Variants in KIF17 observed in about 807,000 individuals in gnomAD.
KIF17 encodes the protein kinesin-like protein KIF17.
KIF17 carries 80 observed loss-of-function variants against 96.8 expected under a neutral mutation model. The ratio of observed to expected loss-of-function variants is 0.83; its 90% confidence interval spans 0.69 to 1.00. The LOEUF is 1.00. Among genes scored for constraint, KIF17 ranks in the 50% least tolerant of loss-of-function variants. KIF17 has a pLI of 0.00. For synonymous variants in KIF17, 567 were observed against 587.5 expected (o/e 0.97, Z 0.51); for missense variants, 1,280 against 1,372.9 (o/e 0.93, Z 1.07).
chr1:20,671,551 TC>T (rs1367508158), intron 12 of KIF17, among the ~76,000 whole-genome samples: 2 of 151,894 alleles, frequency 1.3e-5, no homozygotes, highest in Non-Finnish European at 2.9e-5. Flanking sequence ...GCCAGGCTGG[TC>T]TCGAACTCCT....
chr1:20,698,285 T>C (rs1370568253), intron 6 of KIF17, 94 bp downstream of exon 6: 3 of 826,194 alleles, frequency 3.6e-6, no homozygotes, highest in Non-Finnish European at 6.2e-6. Flanking sequence ...GAAGGTACGG[T>C]GATATCGCGT....
chr1:20,697,837 G>A (rs956992796), intron 6 of KIF17, among the ~76,000 whole-genome samples: 1 of 152,202 alleles, frequency 6.6e-6, no homozygotes, highest in Non-Finnish European at 1.5e-5. Flanking sequence ...CGTCTGACCC[G>A]CTGCTTCCCA....
downstream of KIF17, among the ~76,000 whole-genome samples, chr1:20,663,827 G>C (rs750527485): frequency 5.3e-5 from 8 of 151,596 alleles, no homozygotes; most frequent in Non-Finnish European, 1.2e-4. Context: ...CAGGTCCTTC[G>C]AGAATCTAAT....
intron 7 of KIF17, 62 bp from the exon 8 acceptor site, chr1:20,688,006 A>C: frequency 3.5e-6 from 5 of 1,427,528 alleles, no homozygotes; most frequent in Non-Finnish European, 4.9e-6. Flanking sequence ...CCTTCCCTAG[A>C]AGGTGGCTCC....
intron 5 of KIF17, among the ~76,000 whole-genome samples, chr1:20,703,511 G>C (rs1288731973): frequency 2.0e-5 from 3 of 151,348 alleles, no homozygotes; most frequent in Middle Eastern, 3.2e-3. Flanking sequence ...TGGATGGATG[G>C]ATGGATGGAT....
At chr1:20,698,256 T>C in intron 6 of KIF17, 123 bp downstream of exon 6, 1 of 724,744 alleles carries the variant, frequency 1.4e-6, no homozygotes, top group Non-Finnish European at 2.5e-6. Flanking sequence ...TTCAGCTTTC[T>C]CAGGACCAAA....
chr1:20,683,609 C>A (rs779928099), intron 10 of KIF17, among the ~76,000 whole-genome samples: 1 of 151,874 alleles, frequency 6.6e-6, no homozygotes, highest in Non-Finnish European at 1.5e-5. Context: ...GAGCCGAGAT[C>A]GCACCACTGC....
Position 20,690,352 on chromosome 1 carries a change from G to GGGGGCCCCCCA in KIF17, c.1234-18_1234-17insTGGGGGGCCCC. On this transcript the variant is annotated splice_polypyrimidine_tract_variant and intron_variant, in intron 6 of 14. Coordinates refer to ENST00000400463, the MANE Select transcript of KIF17 (RefSeq NM_001122819.3). ...TTCATACTCCTGGGGGGGTGGGAGG[G>GGGGGCCCCCCA]ACCAGAGGGCAGGCAGCATTTTATC... is the stretch of plus-strand genomic sequence containing the variant. 2.2e-6 allele frequency: 1 copy of GGGGGCCCCCCA among 451,174 alleles called. No homozygotes were observed. Among genetic ancestry groups the GGGGGCCCCCCA allele is most frequent in the South Asian group, 1.7e-5 (1 of 57,280 alleles). 27.9% of individuals were successfully genotyped at this position (451,174 alleles called of 1,614,324 possible).
rs920224233 is a variant in KIF17, at chr1:20,685,709, C to T, written c.2019+337G>A. ...CCTGGGGTGTTCAAATTGGGTTCCCCGATGGTGTCATAGGGGCCACCAGCC... is the reference window on the plus strand; with the variant it reads ...CCTGGGGTGTTCAAATTGGGTTCCCTGATGGTGTCATAGGGGCCACCAGCC... On this transcript the variant is annotated intron_variant, in intron 9 of 14. Transcript: ENST00000400463. The surrounding 1 kb of genome is among the most constrained non-coding windows in gnomAD (Gnocchi z 4.1). Among the ~76,000 whole-genome samples, 1 of 152,152 alleles carries T rather than the reference C, an allele frequency of 6.6e-6. No homozygotes were observed. The highest frequency in any genetic ancestry group is 2.4e-5 in the African/African-American group (1 of 41,424).
intron 4 of KIF17, among the ~76,000 whole-genome samples, chr1:20,705,547 G>A (rs962315020): frequency 9.2e-5 from 14 of 152,156 alleles, no homozygotes; most frequent in African/African-American, 3.1e-4. Flanking sequence ...CCTCTGTGCC[G>A]GCGCGCAGAA....
chr1:20,681,388 C>T (rs2053828311), intron 11 of KIF17, among the ~76,000 whole-genome samples: 1 of 151,774 alleles, frequency 6.6e-6, no homozygotes, highest in Admixed American at 6.6e-5. Context: ...GACGGCATTT[C>T]ACCATGTTGG....
intron 11 of KIF17, among the ~76,000 whole-genome samples, chr1:20,681,399 C>T (rs2154535637): frequency 6.6e-6 from 1 of 151,856 alleles, no homozygotes; most frequent in Admixed American, 6.6e-5. Context: ...ACCATGTTGG[C>T]CAGGCTGGTC....
chr1:20,708,217 C>A (rs2054376761), intron 4 of KIF17, among the ~76,000 whole-genome samples: 1 of 152,176 alleles, frequency 6.6e-6, no homozygotes, highest in South Asian at 2.1e-4. Flanking sequence ...ATATCAGCAT[C>A]CCCGGGACAC....
intron 13 of KIF17, among the ~76,000 whole-genome samples, chr1:20,668,648 C>T (rs1570429066): frequency 6.6e-6 from 1 of 152,160 alleles, no homozygotes; most frequent in East Asian, 1.9e-4. Context: ...CTTATCATAA[C>T]TGTAAAGGTA....
chr1:20,685,066 AC>A lies in KIF17; in HGVS notation c.2020-47del, dbSNP rs1167738674. On this transcript the variant is annotated intron_variant, in intron 9 of 14. Coordinates refer to ENST00000400463, the MANE Select transcript of KIF17 (RefSeq NM_001122819.3). The surrounding 1 kb of genome is among the most constrained non-coding windows in gnomAD (Gnocchi z 4.1). Reference sequence around the variant, plus strand: ...AGGTGGAGGTGGGAAGGCCGCCCCAACCCCCGCCGACAGCTCCCAGGTGGCT... The same window carrying A: ...AGGTGGAGGTGGGAAGGCCGCCCCAACCCCGCCGACAGCTCCCAGGTGGCT... The A allele has an allele frequency of 6.8e-7, 1 of 1,472,382 alleles. No individual in the cohort carries two copies. Among genetic ancestry groups the A allele is most frequent in the Admixed American group, 2.0e-5 (1 of 50,996 alleles). The allele number at this position is 1,472,382 out of a possible 1,614,324, so 91.2% of individuals were successfully genotyped here.
At chr1:20,669,341 T>A (rs1163609405) in intron 13 of KIF17, among the ~76,000 whole-genome samples, 1 of 151,814 alleles carries the variant, frequency 6.6e-6, no homozygotes, top group Non-Finnish European at 1.5e-5. Context: ...ATCGAGACCA[T>A]CCTGGCTAAC....
At chr1:20,712,720 T>TATCTATATATAATATAGATA (rs2054478326) in intron 3 of KIF17, among the ~76,000 whole-genome samples, 2 of 13,036 alleles carry the variant, frequency 1.5e-4, no homozygotes, top group African/African-American at 4.1e-4. Flanking sequence ...TATATAAAAT[T>TATCTATATATAATATAGATA]ATATTATATC....
intron 11 of KIF17, among the ~76,000 whole-genome samples, chr1:20,678,834 C>T (rs528680007): frequency 7.4e-4 from 113 of 152,108 alleles, no homozygotes; most frequent in African/African-American, 2.0e-3. Context: ...AGTTAGTCTC[C>T]GGAAGGTGCT....
intron 7 of KIF17, among the ~76,000 whole-genome samples, chr1:20,689,125 G>A (rs534617204): frequency 3.9e-5 from 6 of 152,198 alleles, no homozygotes; most frequent in East Asian, 1.9e-4. Context: ...GTCCTACCTC[G>A]CTGGACTGGG....
Sources: allele counts gnomAD v4.1 joint callset (sites outside exome capture counted in the v4.1 genomes callset), GRCh38; gene constraint gnomAD v4.1.1; non-coding constraint Gnocchi (gnomAD v3.1); transcripts MANE v1.5; gene names NCBI Gene and HGNC (gene_info 2026-07-23, HGNC 2026-07-21).